The following PECR variants were observed in gnomAD, a reference collection of about 807,000 sequenced individuals.
PECR encodes the protein 2,4-dienoyl-CoA reductase-related protein.
PECR carries 30 observed loss-of-function variants against 35.3 expected under a neutral mutation model. The observed-to-expected ratio is 0.85, with a 90% CI of 0.64 to 1.15. The LOEUF (loss-of-function observed/expected upper bound fraction) is 1.15. Among genes scored for constraint, PECR ranks in the 50% most tolerant of loss-of-function variants. PECR has a pLI of 0.00. For synonymous variants in PECR, 148 were observed against 138.9 expected (o/e 1.07, Z -0.46); for missense variants, 392 against 370.8 (o/e 1.06, Z -0.47).
At chr2:216,076,017 C>T (rs1695689835) in intron 1 of PECR, among the ~76,000 whole-genome samples, 1 of 152,144 alleles carries the variant, frequency 6.6e-6, no homozygotes, top group South Asian at 2.1e-4. Context: ...TTCTCTCTGC[C>T]TAACAGCACC....
chr2:216,034,419 G>A (rs1270333356), downstream of PECR, among the ~76,000 whole-genome samples: 1 of 152,130 alleles, frequency 6.6e-6, no homozygotes, highest in Non-Finnish European at 1.5e-5. Context: ...CTATTCCCTT[G>A]GGACAAGGGT....
intron 7 of PECR, among the ~76,000 whole-genome samples, chr2:216,031,445 A>G (rs56017467): frequency 0.035 from 3,769 of 108,492 alleles, 206 homozygotes; most frequent in African/African-American, 0.12. Flanking sequence ...AAGAAAGAAA[A>G]AGAAAGAAAG....
chr2:216,057,453 T>C (rs1221955833), intron 4 of PECR, among the ~76,000 whole-genome samples: 2 of 152,166 alleles, frequency 1.3e-5, no homozygotes, highest in African/African-American at 4.8e-5. Flanking sequence ...ATAGTGTTTA[T>C]AGCATCCTAA....
chr2:216,071,070 G>A (rs531551714), intron 1 of PECR, among the ~76,000 whole-genome samples: 313 of 152,236 alleles, frequency 2.1e-3, no homozygotes, highest in African/African-American at 7.3e-3. Context: ...GGTTCATTCC[G>A]TCTTCGCATT....
Position 216,077,439 on chromosome 2 carries a change from G to C in PECR, c.124+4179C>G, listed in dbSNP as rs1180825938. Among the ~76,000 whole-genome samples, 3 of 150,244 alleles carry C rather than the reference G, an allele frequency of 2.0e-5. No homozygotes were observed. The East Asian group carries it at 6.0e-4, about 30-fold the overall frequency. Reference sequence around the variant, plus strand: ...GGAGAATGGCTTGAACCCGGGAGGCGGAGCTTGCAGTGAGCCAAGATCGCG... The same window carrying C: ...GGAGAATGGCTTGAACCCGGGAGGCCGAGCTTGCAGTGAGCCAAGATCGCG... On this transcript the variant is annotated intron_variant, in intron 1 of 7. Transcript: ENST00000265322.
At chr2:216,071,212 T>C (rs1314448462) in intron 1 of PECR, among the ~76,000 whole-genome samples, 2 of 152,170 alleles carry the variant, frequency 1.3e-5, no homozygotes, top group African/African-American at 2.4e-5. Context: ...AAGCGTACCC[T>C]TATCCCCACG....
rs113417580 is a variant in PECR, at chr2:216,030,927, TTC to T, written c.*440+8262_*440+8263del. Among the ~76,000 whole-genome samples, 717 of 130,886 alleles carry T rather than the reference TTC, an allele frequency of 5.5e-3. 1 individual carries two copies. The highest frequency in any genetic ancestry group is 0.03 in the South Asian group (111 of 3,740). The allele number at this position is 130,886 out of a possible 152,430, so 85.9% of individuals were successfully genotyped here. Reference sequence around the variant, plus strand: ...ACACACAAGCCCACTATGAGGCCCATTCTCTCTCTCTCTCTCTCTCTCTCTCT... The same window carrying T: ...ACACACAAGCCCACTATGAGGCCCATTCTCTCTCTCTCTCTCTCTCTCTCT... On this transcript the variant is annotated intron_variant and NMD_transcript_variant, in intron 7 of 7. Coordinates refer to the PECR transcript ENST00000442122.
chr2:216,043,944 A>C lies in PECR; in HGVS notation c.786T>G (p.Asp262Glu). Reference sequence around the variant, plus strand: ...AGTGAGTATAGAGACTCCGGCCCCCATCCACATCCACCGACTGTCCAGTGA... The same window carrying C: ...AGTGAGTATAGAGACTCCGGCCCCCCTCCACATCCACCGACTGTCCAGTGA... ...SFITGQSVDV[D>E]GGRSLYTHSY... The change falls in exon 7 of 8, where the codon GAT (aspartate) becomes GAG (glutamate). Residue 262 changes from aspartate (D) to glutamate (E), a missense_variant. Physicochemically the swap from Asp to Glu is conservative, Grantham distance 45 (BLOSUM62 2). Coordinates refer to ENST00000265322, the MANE Select transcript of PECR (RefSeq NM_018441.6). The C allele has an allele frequency of 6.2e-7, 1 of 1,612,004 alleles. No homozygotes were observed. The highest frequency in any genetic ancestry group is 8.5e-7 in the Non-Finnish European group (1 of 1,178,064).
chr2:216,038,019 A>G (rs1330825345), downstream of PECR, among the ~76,000 whole-genome samples: 2 of 128,302 alleles, frequency 1.6e-5, no homozygotes, highest in African/African-American at 2.9e-5. Flanking sequence ...CAGGAGGTGG[A>G]GGTTGTGGTG....
At chr2:216,056,297 T>TG (rs1418117387) in intron 4 of PECR, among the ~76,000 whole-genome samples, 1 of 152,154 alleles carries the variant, frequency 6.6e-6, no homozygotes, top group Admixed American at 6.5e-5. Flanking sequence ...CCTCTTCTAT[T>TG]GTAGAGGATA....
chr2:216,067,378 A>G (rs939283031), intron 1 of PECR, among the ~76,000 whole-genome samples: 1 of 152,058 alleles, frequency 6.6e-6, no homozygotes, highest in Non-Finnish European at 1.5e-5. Context: ...TGCCCACCAG[A>G]AAAAAACCTT....
chr2:216,059,036 C>A (rs772984269), intron 3 of PECR, 60 bp from the exon 4 acceptor site: 17 of 989,416 alleles, frequency 1.7e-5, no homozygotes, highest in Admixed American at 5.1e-5. Context: ...CCTCCTGATA[C>A]CTTGTTTCAG....
chr2:216,038,086 A>AAAATAAAT (rs555404475), downstream of PECR, among the ~76,000 whole-genome samples: 7 of 151,812 alleles, frequency 4.6e-5, no homozygotes, highest in Non-Finnish European at 8.8e-5. Context: ...CTCCATCTTA[A>AAAATAAAT]AAATAAATAA....
intron 1 of PECR, among the ~76,000 whole-genome samples, chr2:216,081,376 A>C (rs1017739689): frequency 6.6e-6 from 1 of 152,194 alleles, no homozygotes; most frequent in Non-Finnish European, 1.5e-5. Context: ...CTTACTGCCT[A>C]CCTGGGGCAC....
intron 3 of PECR, among the ~76,000 whole-genome samples, chr2:216,061,218 G>A (rs1296335449): frequency 6.9e-6 from 1 of 145,802 alleles, no homozygotes; most frequent in Non-Finnish European, 1.5e-5. Context: ...CTCAGGAGGT[G>A]GAAGAATCGA....
chr2:216,058,980 C>A lies in PECR; in HGVS notation c.425-4G>T. On this transcript the variant is annotated splice_region_variant and splice_polypyrimidine_tract_variant and intron_variant, in intron 3 of 7. Coordinates refer to ENST00000265322, the MANE Select transcript of PECR (RefSeq NM_018441.6). ...TCTTTCATCCAGGAGCTGTAAACTG[C>A]AGGATAGAGGCAAACTCAATCATTA... 1 of 1,584,806 alleles carries A rather than the reference C, an allele frequency of 6.3e-7. No individual in the cohort carries two copies. The highest frequency in any genetic ancestry group is 2.2e-5 in the East Asian group (1 of 44,678).
Position 216,081,640 on chromosome 2 carries a change from G to C in PECR, c.102C>G (p.Ile34Met), listed in dbSNP as rs1259366497. 2.5e-6 allele frequency: 4 copies of C among 1,613,538 alleles called. No individual in the cohort carries two copies. Among genetic ancestry groups the C allele is most frequent in the African/African-American group, 1.3e-5 (1 of 74,904 alleles). The change falls in exon 1 of 8, where the codon ATC (isoleucine) becomes ATG (methionine). Residue 34 changes from isoleucine (I) to methionine (M), a missense_variant. Ile to Met is a conservative substitution (Grantham distance 10). Coordinates refer to ENST00000265322, the MANE Select transcript of PECR (RefSeq NM_018441.6). Reference protein sequence around the residue: ...TGGATGIGKAIVKELLELGSN... With the variant: ...TGGATGIGKAMVKELLELGSN... ...TACCCAGCTCCAGGAGCTCCTTCAC[G>C]ATGGCTTTTCCGATGCCCGTGGCCC...
At chr2:216,035,239 C>T (rs937118443), downstream of PECR, among the ~76,000 whole-genome samples, 3 of 152,204 alleles carry the variant, frequency 2.0e-5, no homozygotes, top group Non-Finnish European at 4.4e-5. Flanking sequence ...CTGACCCGTG[C>T]AGTGCAGACT....
intron 7 of PECR, among the ~76,000 whole-genome samples, chr2:216,030,948 TCTCTCTCTCACACACA>T (rs1372885342): frequency 5.6e-4 from 55 of 97,398 alleles, no homozygotes; most frequent in African/African-American, 2.1e-3. Context: ...TCTCTCTCTC[TCTCTCTCTCACACACA>T]CACACACACA....
Sources: gnomAD v4.1 joint callset for allele counts (sites outside exome capture counted in the v4.1 genomes callset) on GRCh38, gnomAD v4.1.1 for gene constraint, MANE v1.5 for transcripts, NCBI Gene and HGNC (gene_info 2026-07-23, HGNC 2026-07-21) for gene names.